GPHN: variants seen among roughly 807,000 people sequenced by gnomAD.
GPHN encodes the protein gephyrin.
A neutral mutation model predicts 95.5 loss-of-function variants in GPHN; 17 were observed. That is an observed-to-expected ratio of 0.18 (90% CI 0.12 to 0.27). The LOEUF (loss-of-function observed/expected upper bound fraction) is 0.27, where lower values mean the gene tolerates loss of function less well. Ranked by LOEUF, GPHN falls within the 10% of genes least tolerant of loss-of-function variation. The pLI, the probability that GPHN is intolerant of heterozygous loss-of-function variation, is 1.00. For missense variants in GPHN, 660 were observed against 978.1 expected, an observed-to-expected ratio of 0.67 and a Z score of 4.34; for synonymous variants, 320 against 322.5, an observed-to-expected ratio of 0.99 and a Z score of 0.08.
At chr14:67,648,103 C>T in the GPHN span, 1 of 1,613,928 alleles carries the variant, frequency 6.2e-7, no homozygotes, top group East Asian at 2.2e-5. Flanking sequence ...CCTACACTGG[C>T]TCCAGCCACA....
At chr14:67,240,350 C>T in the GPHN span, among the ~76,000 whole-genome samples, 1 of 152,200 alleles carries the variant, frequency 6.6e-6, no homozygotes, top group Admixed American at 6.5e-5. Context: ...AAATCAGGAC[C>T]TGAGGACATT....
chr14:67,447,808 T>TGAAA, the GPHN span: 2 of 152,196 alleles, frequency 1.3e-5, no homozygotes, highest in African/African-American at 4.8e-5. Context: ...GGCTATGGAT[T>TGAAA]GAAATCTGGC....
chr14:66,697,497 T>C (rs2068179857), intron 2 of GPHN, among the ~76,000 whole-genome samples: 1 of 152,200 alleles, frequency 6.6e-6, no homozygotes, highest in African/African-American at 2.4e-5. Flanking sequence ...TATTGAATGA[T>C]GTTAAGAACA....
At chr14:66,635,043 C>T (rs1045298576) in intron 1 of GPHN, among the ~76,000 whole-genome samples, 1 of 152,168 alleles carries the variant, frequency 6.6e-6, no homozygotes. Flanking sequence ...TAGCCTTACT[C>T]ACATGGTTAG....
intron 1 of GPHN, among the ~76,000 whole-genome samples, chr14:66,628,787 A>T (rs1241722146): frequency 6.6e-6 from 1 of 151,956 alleles, no homozygotes; most frequent in Non-Finnish European, 1.5e-5. Context: ...TCTGGCAGGC[A>T]TGTGGCTCAC....
At chr14:67,489,678 A>G in the GPHN span, among the ~76,000 whole-genome samples, 2 of 152,270 alleles carry the variant, frequency 1.3e-5, no homozygotes, top group East Asian at 1.9e-4. Context: ...CAACTGAAAC[A>G]TGTCATCCCA....
At chr14:66,570,447 G>A (rs980578130) in intron 1 of GPHN, among the ~76,000 whole-genome samples, 8 of 151,954 alleles carry the variant, frequency 5.3e-5, no homozygotes, top group Admixed American at 2.0e-4. Context: ...TGGGATTACC[G>A]GTGCCTACCA....
intron 5 of GPHN, among the ~76,000 whole-genome samples, chr14:66,904,226 G>C (rs780251798): frequency 6.6e-6 from 1 of 152,202 alleles, no homozygotes; most frequent in African/African-American, 2.4e-5. Context: ...ATTGTGAAGA[G>C]TATAAGAACA....
At chr14:67,651,584 G>A in the GPHN span, 11 of 1,322,704 alleles carry the variant, frequency 8.3e-6, no homozygotes, top group African/African-American at 1.5e-5. Flanking sequence ...CTCTGAGGCT[G>A]TATGTTTGAT....
the GPHN span, among the ~76,000 whole-genome samples, chr14:67,213,555 A>G: frequency 6.6e-6 from 1 of 152,006 alleles, no homozygotes; most frequent in South Asian, 2.1e-4. Context: ...TTCTTAATCC[A>G]GTTTATCATT....
At chr14:67,577,970 C>A in the GPHN span, 1 of 1,554,716 alleles carries the variant, frequency 6.4e-7, no homozygotes, top group Non-Finnish European at 8.8e-7. Flanking sequence ...CCGTTGAGTT[C>A]TCTGAACCCA....
the GPHN span, chr14:67,659,840 T>C: frequency 6.2e-7 from 1 of 1,614,194 alleles, no homozygotes; most frequent in Non-Finnish European, 8.5e-7. Context: ...AGCAAGGTCC[T>C]TCCGGTAGTT....
the GPHN span, among the ~76,000 whole-genome samples, chr14:67,700,670 G>A: frequency 1.4e-5 from 2 of 144,478 alleles, no homozygotes; most frequent in South Asian, 4.5e-4. Context: ...AGCCTAGATC[G>A]CGGCACTGCA....
At chr14:66,890,140 G>A (rs532757036) in intron 5 of GPHN, among the ~76,000 whole-genome samples, 190 of 152,250 alleles carry the variant, frequency 1.2e-3, no homozygotes, top group South Asian at 2.5e-3. Flanking sequence ...AGCTGGGTAC[G>A]GTGGCTCACA....
chr14:67,167,169 C>G (rs920900601), intron 20 of GPHN, among the ~76,000 whole-genome samples: 3 of 152,078 alleles, frequency 2.0e-5, no homozygotes, highest in Non-Finnish European at 2.9e-5. Context: ...AAAGTGTTAA[C>G]CATAATCCCC....
At chr14:67,609,136 T>C in the GPHN span, among the ~76,000 whole-genome samples, 4,720 of 152,088 alleles carry the variant, frequency 0.031, 222 homozygotes, top group African/African-American at 0.11. Context: ...CAGGTAATTT[T>C]GTATAAACTC....
the GPHN span, among the ~76,000 whole-genome samples, chr14:67,504,886 C>T: frequency 1.3e-5 from 2 of 151,968 alleles, no homozygotes; most frequent in African/African-American, 4.8e-5. Context: ...CACTCCGTCT[C>T]AAACAAAACA....
At chr14:66,788,850 G>A (rs2059875932) in intron 3 of GPHN, among the ~76,000 whole-genome samples, 1 of 152,024 alleles carries the variant, frequency 6.6e-6, no homozygotes, top group African/African-American at 2.4e-5. Flanking sequence ...TAGAGATGGG[G>A]TTTCACCATG....
At chr14:67,509,436 A>G in the GPHN span, among the ~76,000 whole-genome samples, 1 of 152,126 alleles carries the variant, frequency 6.6e-6, no homozygotes, top group South Asian at 2.1e-4. Context: ...CTCCTGCCTC[A>G]GCCTCCCAAG....
Sources: gnomAD v4.1 joint callset for allele counts (sites outside exome capture counted in the v4.1 genomes callset) on GRCh38, gnomAD v4.1.1 for gene constraint, MANE v1.5 for transcripts, NCBI Gene and HGNC (gene_info 2026-07-23, HGNC 2026-07-21) for gene names.